CTNNA3: variants seen among roughly 807,000 people sequenced by gnomAD.
CTNNA3 encodes catenin alpha-3.
In CTNNA3, 76 loss-of-function variants were observed where a neutral mutation model predicts 95.7. That is an observed-to-expected ratio of 0.79 (90% CI 0.66 to 0.96). CTNNA3 has a LOEUF of 0.96. CTNNA3 is among the 40% of genes least tolerant of loss of function. CTNNA3 has a pLI of 0.00. For synonymous variants in CTNNA3, 431 were observed against 374.4 expected (o/e 1.15, Z -1.74); for missense variants, 1,191 against 1,089.8 (o/e 1.09, Z -1.31).
intron 9 of CTNNA3, among the ~76,000 whole-genome samples, chr10:66,637,745 G>A (rs1191597061): frequency 6.6e-6 from 1 of 152,166 alleles, no homozygotes; most frequent in Non-Finnish European, 1.5e-5. Flanking sequence ...AAAGCGTCCT[G>A]GATGCTCAGT....
At chr10:67,359,666 A>T (rs930162656) in intron 5 of CTNNA3, among the ~76,000 whole-genome samples, 10 of 152,146 alleles carry the variant, frequency 6.6e-5, no homozygotes, top group Admixed American at 5.2e-4. Context: ...AAAGAAAAAA[A>T]TTTTTTGATG....
chr10:66,633,497 G>T (rs1003290670), intron 9 of CTNNA3, among the ~76,000 whole-genome samples: 1 of 152,088 alleles, frequency 6.6e-6, no homozygotes, highest in Non-Finnish European at 1.5e-5. Context: ...TGGCTAACAT[G>T]GTGAAACCCC....
intron 5 of CTNNA3, among the ~76,000 whole-genome samples, chr10:67,408,185 A>G (rs563610329): frequency 1.3e-5 from 2 of 152,360 alleles, no homozygotes; most frequent in African/African-American, 4.8e-5. Context: ...TTATAGATTC[A>G]ATGCTATTCC....
intron 15 of CTNNA3, among the ~76,000 whole-genome samples, chr10:66,002,553 C>A (rs2133368075): frequency 6.6e-6 from 1 of 152,276 alleles, no homozygotes; most frequent in Non-Finnish European, 1.5e-5. Flanking sequence ...TAGCTTAACA[C>A]AATAAATTTC....
chr10:67,697,929 A>G (rs1051358147), upstream of CTNNA3, among the ~76,000 whole-genome samples: 2 of 152,182 alleles, frequency 1.3e-5, no homozygotes, highest in African/African-American at 4.8e-5. Flanking sequence ...AACATATATC[A>G]CCTATGTCAA....
At chr10:67,321,550 C>T (rs1841320334) in intron 5 of CTNNA3, among the ~76,000 whole-genome samples, 1 of 152,190 alleles carries the variant, frequency 6.6e-6, no homozygotes, top group Non-Finnish European at 1.5e-5. Context: ...CAGATCCCAA[C>T]ACAGACCATA....
intron 6 of CTNNA3, among the ~76,000 whole-genome samples, chr10:67,194,084 A>C (rs564217938): frequency 6.6e-6 from 1 of 152,102 alleles, no homozygotes; most frequent in East Asian, 1.9e-4. Context: ...TTTTAAAACT[A>C]TGTTTGTTGG....
chr10:65,947,801 C>T (rs2077541411), intron 17 of CTNNA3, among the ~76,000 whole-genome samples: 1 of 152,210 alleles, frequency 6.6e-6, no homozygotes, highest in Non-Finnish European at 1.5e-5. Context: ...ACAAACCTTT[C>T]TTACACGTTT....
chr10:67,235,876 A>G lies in CTNNA3; in HGVS notation c.580-16006T>C, dbSNP rs1381663763. ...GACATGAACAGACTCTTCTCAAAAG[A>G]AGACATTTATGCAGCCAAAAAACAC... On this transcript the variant is annotated intron_variant, in intron 5 of 17. Coordinates refer to ENST00000433211, the MANE Select transcript of CTNNA3 (RefSeq NM_013266.4). Among the ~76,000 whole-genome samples the G allele has an allele frequency of 7.0e-3, 996 of 142,022 alleles. 15 individuals carry two copies. The highest frequency in any genetic ancestry group is 0.017 in the African/African-American group (600 of 34,976). The allele number at this position is 142,022 out of a possible 152,430, so 93.2% of individuals were successfully genotyped here.
At chr10:66,694,786 C>G (rs1847696323) in intron 9 of CTNNA3, among the ~76,000 whole-genome samples, 1 of 152,124 alleles carries the variant, frequency 6.6e-6, no homozygotes, top group Admixed American at 6.5e-5. Context: ...ACAATGGCAG[C>G]TGAGAACAAT....
At chr10:66,186,971 A>G (rs2131872603) in intron 13 of CTNNA3, among the ~76,000 whole-genome samples, 1 of 152,228 alleles carries the variant, frequency 6.6e-6, no homozygotes, top group South Asian at 2.1e-4. Flanking sequence ...ACTTGCCCCA[A>G]TATTGTCTCC....
chr10:66,547,347 C>CTTTTTTTTTTTTTTTTTTTTTTTTTT (rs1296263060), intron 10 of CTNNA3, among the ~76,000 whole-genome samples: 1 of 109,280 alleles, frequency 9.2e-6, no homozygotes, highest in African/African-American at 3.5e-5. Context: ...TTCTTTCTTT[C>CTTTTTTTTTTTTTTTTTTTTTTTTTT]TTTTTTTTTT....
At chr10:67,092,855 G>C (rs980027695) in intron 7 of CTNNA3, among the ~76,000 whole-genome samples, 1 of 151,970 alleles carries the variant, frequency 6.6e-6, no homozygotes, top group South Asian at 2.1e-4. Context: ...GACACTACTA[G>C]TGTAGCAGAA....
chr10:67,108,405 G>C (rs1311229974), intron 7 of CTNNA3, among the ~76,000 whole-genome samples: 1 of 151,846 alleles, frequency 6.6e-6, no homozygotes, highest in Non-Finnish European at 1.5e-5. Context: ...ACGGGTATTT[G>C]TTCAATGTGT....
At chr10:66,981,568 C>T (rs1308569384) in intron 7 of CTNNA3, among the ~76,000 whole-genome samples, 2 of 152,204 alleles carry the variant, frequency 1.3e-5, no homozygotes, top group Non-Finnish European at 2.9e-5. Context: ...ACATTTTCTT[C>T]CTTCTGTAGC....
At chr10:66,268,106 AATG>A (rs1251755413) in intron 13 of CTNNA3, among the ~76,000 whole-genome samples, 4 of 152,100 alleles carry the variant, frequency 2.6e-5, no homozygotes, top group African/African-American at 4.8e-5. Flanking sequence ...TGATGATAAT[AATG>A]ATGATGATGA....
chr10:67,762,070 A>T (rs537330997), intron 1 of CTNNA3, among the ~76,000 whole-genome samples: 1 of 152,088 alleles, frequency 6.6e-6, no homozygotes, highest in South Asian at 2.1e-4. Flanking sequence ...GACAATGCTA[A>T]AGACCTAAGG....
At chr10:66,207,986 T>A (rs1026381430) in intron 13 of CTNNA3, among the ~76,000 whole-genome samples, 2 of 152,108 alleles carry the variant, frequency 1.3e-5, no homozygotes, top group African/African-American at 4.8e-5. Context: ...ACCACAATAT[T>A]TCTTCCAGGC....
chr10:67,235,663 TG>T (rs1865418374), intron 5 of CTNNA3, among the ~76,000 whole-genome samples: 1 of 141,910 alleles, frequency 7.0e-6, no homozygotes, highest in African/African-American at 2.7e-5. Context: ...AATTGACAAA[TG>T]GGATCTAATT....
Sources: gnomAD v4.1 joint callset for allele counts (sites outside exome capture counted in the v4.1 genomes callset) on GRCh38, gnomAD v4.1.1 for gene constraint, MANE v1.5 for transcripts, NCBI Gene and HGNC (gene_info 2026-07-23, HGNC 2026-07-21) for gene names.